Variants in HTT observed in about 807,000 individuals in gnomAD.
The protein encoded by HTT is huntington disease protein.
In HTT, 104 loss-of-function variants were observed where a neutral mutation model predicts 362.3. The ratio of observed to expected loss-of-function variants is 0.29; its 90% CI spans 0.24 to 0.34. The LOEUF is 0.34. Among genes scored for constraint, HTT ranks in the 10% least tolerant of loss-of-function variants. The probability of loss-of-function intolerance (pLI) is 1.00; values close to 1 mark genes in which losing one functional copy is unlikely to be tolerated. For synonymous variants in HTT, 1,577 were observed against 1,548.7 expected (o/e 1.02, Z -0.43); for missense variants, 3,301 against 3,928.6 (o/e 0.84, Z 4.27).
chr4:3,193,621 G>A (rs979672911), intron 40 of HTT, among the ~76,000 whole-genome samples: 2 of 152,242 alleles, frequency 1.3e-5, no homozygotes, highest in Non-Finnish European at 2.9e-5. Flanking sequence ...TACTGTTGAA[G>A]TGTTGTCCAA....
At position 3,217,415 on chromosome 4, in the gene HTT, C is replaced by T. The variant is rs145591720; in HGVS notation, c.7055-350C>T. Among the ~76,000 whole-genome samples the T allele has an allele frequency of 2.7e-3, 414 of 152,176 alleles. 3 individuals are homozygous for T. The highest frequency in any genetic ancestry group is 4.3e-3 in the African/African-American group (180 of 41,498). The stretch of plus-strand genomic sequence containing the variant: ...CAGGTCCTGGGAGACCAGAGAAAGA[C>T]GAGGGGCAGAGGAGGTGTCCTAAAG... On this transcript the variant is annotated intron_variant, in intron 51 of 66. Coordinates refer to ENST00000355072, the MANE Select transcript of HTT (RefSeq NM_001388492.1).
At chr4:3,175,330 C>T (rs941637940) in intron 33 of HTT, among the ~76,000 whole-genome samples, 2 of 152,204 alleles carry the variant, frequency 1.3e-5, no homozygotes, top group African/African-American at 2.4e-5. Flanking sequence ...TCAAGGCTAA[C>T]CTGGGGTTGG....
chr4:3,208,389 A>G (rs893866904), intron 45 of HTT, among the ~76,000 whole-genome samples: 3 of 152,234 alleles, frequency 2.0e-5, no homozygotes, highest in African/African-American at 7.2e-5. Flanking sequence ...TTACTGGGAT[A>G]TTTGATAGTG....
rs1716043674 is a variant in HTT, at chr4:3,135,935, A to T, written c.2665A>T (p.Asn889Tyr). ...LVSFLEAKAE[N>Y]LHRGAHHYTG... The stretch of plus-strand genomic sequence containing the variant: ...GAGCTTTTTGGAGGCAAAAGCAGAA[A>T]ACTTACACAGAGGGGCTCATCATTA... The change falls in exon 20 of 67, where the codon AAC becomes TAC. Residue 889 changes from asparagine (N) to tyrosine (Y), a missense_variant. This residue lies in a region of HTT where 2,316 missense variants were observed against 2,658.5 expected (regional missense o/e 0.87). Transcript: ENST00000355072. 6.2e-7 allele frequency: 1 copy of T among 1,603,990 alleles called. No individual in the cohort carries two copies. The highest frequency in any genetic ancestry group is 2.2e-5 in the East Asian group (1 of 44,478).
At chr4:3,078,735 ATT>A (rs112353753) in intron 1 of HTT, among the ~76,000 whole-genome samples, 5 of 145,402 alleles carry the variant, frequency 3.4e-5, no homozygotes, top group African/African-American at 7.5e-5. Flanking sequence ...TGCCTGGGTA[ATT>A]TTTTTTTTTT....
intron 36 of HTT, 161 bp downstream of exon 36, chr4:3,180,812 A>C (rs1412243895): frequency 4.0e-4 from 1 of 2,504 alleles, no homozygotes; most frequent in Non-Finnish European, 1.1e-3. Flanking sequence ...ATGGGGAGGG[A>C]GGCGGGGGGT....
chr4:3,116,041 A>G, intron 7 of HTT, 44 bp from the exon 8 acceptor site: 1 of 1,549,092 alleles, frequency 6.5e-7, no homozygotes, highest in East Asian at 2.3e-5. Flanking sequence ...GGAATCTCCA[A>G]ACAGTGAGTC....
intron 63 of HTT, 58 bp from the exon 64 acceptor site, chr4:3,236,091 C>A: frequency 8.2e-7 from 1 of 1,218,662 alleles, no homozygotes; most frequent in South Asian, 1.2e-5. Flanking sequence ...AAAGCACTGT[C>A]TACAGAGCCT....
chr4:3,127,686 G>A (rs61792509), intron 12 of HTT, 82 bp downstream of exon 12: 47,805 of 992,568 alleles, frequency 0.048, 1,518 homozygotes, highest in African/African-American at 0.13. Context: ...AGTGGAGGCC[G>A]GGCACAGGGG....
intron 26 of HTT, among the ~76,000 whole-genome samples, chr4:3,153,404 A>G (rs1248880399): frequency 2.0e-5 from 3 of 152,200 alleles, no homozygotes; most frequent in African/African-American, 4.8e-5. Flanking sequence ...CCTCAATTCC[A>G]CATGTCAGTC....
intron 40 of HTT, 36 bp downstream of exon 40, chr4:3,189,129 G>C (rs373689723): frequency 6.2e-7 from 1 of 1,606,710 alleles, no homozygotes; most frequent in African/African-American, 1.3e-5. Context: ...GGAGTGTCTC[G>C]TTCCCCATTC....
intron 23 of HTT, among the ~76,000 whole-genome samples, chr4:3,144,534 T>C (rs1382065698): frequency 6.6e-6 from 1 of 152,176 alleles, no homozygotes; most frequent in Non-Finnish European, 1.5e-5. Flanking sequence ...GTCAGGCTGG[T>C]CTCGAACTCC....
intron 22 of HTT, 65 bp from the exon 23 acceptor site, chr4:3,142,701 C>T: frequency 1.2e-6 from 1 of 816,792 alleles, no homozygotes; most frequent in South Asian, 2.3e-5. Flanking sequence ...CTTTTAAATG[C>T]CATTTGATCT....
At chr4:3,207,530 T>G (rs971730927) in intron 45 of HTT, among the ~76,000 whole-genome samples, 173 bp downstream of exon 45, 1 of 152,228 alleles carries the variant, frequency 6.6e-6, no homozygotes, top group African/African-American at 2.4e-5. Context: ...AGATCTCACT[T>G]TCTAAAGAGT....
chr4:3,170,236 C>G (rs528989458), intron 29 of HTT, among the ~76,000 whole-genome samples: 129 of 152,088 alleles, frequency 8.5e-4, no homozygotes, highest in Non-Finnish European at 1.4e-3. Context: ...ATGGTTTACT[C>G]TTTTGGGTCT....
At chr4:3,195,527 C>T (rs958378730) in intron 40 of HTT, among the ~76,000 whole-genome samples, 1 of 152,026 alleles carries the variant, frequency 6.6e-6, no homozygotes, top group African/African-American at 2.4e-5. Context: ...CAGGCTCTGC[C>T]TTCTTTCTGT....
rs1216221154 is a variant in HTT, at chr4:3,094,675, C to A, written c.348-4599C>A. Among the ~76,000 whole-genome samples, 8 of 127,278 alleles carry A rather than the reference C, an allele frequency of 6.3e-5. 1 individual carries two copies. The highest frequency in any genetic ancestry group is 2.2e-4 in the Admixed American group (3 of 13,448). The allele number at this position is 127,278 out of a possible 152,430, so 83.5% of individuals were successfully genotyped here. On this transcript the variant is annotated intron_variant, in intron 2 of 66. Transcript: ENST00000355072. ...GCGGGTGGCCGGGCGGGGGCTGCCC[C>A]CCACCTCCCGGACGGGGCGGCTGGC...
In HTT at chr4:3,172,370, A is replaced by G. The variant is rs895226415; in HGVS notation, c.3915A>G (p.Pro1305=). 5 of 1,610,790 alleles carry G rather than the reference A, an allele frequency of 3.1e-6. No individual in the cohort carries two copies. The African/African-American group carries it at 5.3e-5, about 17-fold the overall frequency. ...GYLKSCFSRE[P]MMATVCVQQL... is the part of the protein sequence containing the mutation. ...TGAAATCCTGCTTTAGTCGAGAACC[A>G]ATGATGGCAACTGTTTGTGTTCAAC... is the stretch of plus-strand genomic sequence containing the variant. The change falls in exon 30 of 67, where the codon CCA becomes CCG. Residue 1305 remains proline, a synonymous_variant. Coordinates refer to ENST00000355072, the MANE Select transcript of HTT (RefSeq NM_001388492.1).
At chr4:3,082,655 AAGCTC>A (rs1712975722) in intron 1 of HTT, among the ~76,000 whole-genome samples, 1 of 152,132 alleles carries the variant, frequency 6.6e-6, no homozygotes, top group Non-Finnish European at 1.5e-5. Context: ...GGAGTTTGGG[AAGCTC>A]CACTGTAGGT....
Sources: gnomAD v4.1 joint callset for allele counts (sites outside exome capture counted in the v4.1 genomes callset) on GRCh38, gnomAD v4.1.1 for gene constraint, gnomAD v4.1.1 regional missense constraint, MANE v1.5 for transcripts, NCBI Gene and HGNC (gene_info 2026-07-23, HGNC 2026-07-21) for gene names.